Variants in USP14 observed in about 807,000 individuals in gnomAD.
The protein encoded by USP14 is ubiquitin specific peptidase 14, also known as ubiquitin carboxyl-terminal hydrolase 14.
USP14 carries 38 observed loss-of-function variants against 76.5 expected under a neutral mutation model. The ratio of observed to expected loss-of-function variants is 0.50; its 90% CI spans 0.38 to 0.65. USP14 has a LOEUF of 0.65. Among genes scored for constraint, USP14 ranks in the 30% least tolerant of loss-of-function variants. The probability of loss-of-function intolerance (pLI) is 0.00; values close to 1 mark genes in which losing one functional copy is unlikely to be tolerated. For missense variants in USP14, 467 were observed against 586.5 expected (o/e 0.80, Z 2.10); for synonymous variants, 192 against 191.7 (o/e 1.00, Z -0.01).
At chr18:177,297 T>C (rs1480968528) in intron 3 of USP14, among the ~76,000 whole-genome samples, 1 of 151,772 alleles carries the variant, frequency 6.6e-6, no homozygotes, top group Non-Finnish European at 1.5e-5. Context: ...TGGCTTATAC[T>C]TGCAGTCCCA....
intron 11 of USP14, 29 bp downstream of exon 11, chr18:202,974 A>T (rs1251404537): frequency 6.2e-7 from 1 of 1,611,706 alleles, no homozygotes; most frequent in Admixed American, 1.7e-5. Context: ...TCGAAGCCAA[A>T]TTCCGCTTCA....
chr18:210,540 CATTT>C (rs1346959577), intron 15 of USP14, 47 bp downstream of exon 15: 1 of 1,362,816 alleles, frequency 7.3e-7, no homozygotes, highest in Non-Finnish European at 1.0e-6. Flanking sequence ...TTTAACAGTT[CATTT>C]ATTATAAATT....
chr18:203,648 C>A (rs1180110171), intron 12 of USP14, among the ~76,000 whole-genome samples: 1 of 151,784 alleles, frequency 6.6e-6, no homozygotes, highest in Non-Finnish European at 1.5e-5. Context: ...CTCGCTCTGT[C>A]ACCCAGGCTG....
At chr18:196,859 A>G in intron 7 of USP14, 92 bp downstream of exon 7, 1 of 1,491,868 alleles carries the variant, frequency 6.7e-7, no homozygotes, top group Non-Finnish European at 9.2e-7. Flanking sequence ...CGAAATATAA[A>G]CATCAGTCTT....
At chr18:183,164 A>C (rs540575906) in intron 5 of USP14, among the ~76,000 whole-genome samples, 2 of 152,320 alleles carry the variant, frequency 1.3e-5, no homozygotes, top group South Asian at 4.1e-4. Context: ...CTTGGATGAT[A>C]ATATTGCTTG....
At chr18:191,926 A>G (rs957169646) in intron 5 of USP14, among the ~76,000 whole-genome samples, 4 of 152,186 alleles carry the variant, frequency 2.6e-5, no homozygotes, top group African/African-American at 9.7e-5. Context: ...AGCTTTTGTA[A>G]TAAGACATTG....
intron 12 of USP14, 108 bp downstream of exon 12, chr18:203,298 A>G (rs1379026368): frequency 2.0e-6 from 2 of 988,918 alleles, no homozygotes; most frequent in Admixed American, 5.1e-5. Flanking sequence ...TTTCTTTGAA[A>G]TATTTAGGGG....
At chr18:185,685 T>G (rs549649540) in intron 5 of USP14, among the ~76,000 whole-genome samples, 2 of 151,992 alleles carry the variant, frequency 1.3e-5, no homozygotes, top group Non-Finnish European at 2.9e-5. Context: ...ATTTAAAATT[T>G]AAAAAAATTT....
chr18:188,485 A>T (rs1909993877), intron 5 of USP14, among the ~76,000 whole-genome samples: 1 of 139,956 alleles, frequency 7.1e-6, no homozygotes, highest in African/African-American at 2.6e-5. Flanking sequence ...AGACTGATTT[A>T]TAGCATTCTG....
intron 12 of USP14, 88 bp downstream of exon 12, chr18:203,278 A>G: frequency 8.2e-7 from 1 of 1,219,226 alleles, no homozygotes; most frequent in Non-Finnish European, 1.2e-6. Context: ...TCCTTTAGGA[A>G]TAGTTAAGCT....
In USP14 at chr18:163,469, A is replaced by G. The variant is rs768334602; in HGVS notation, c.162+16A>G. ...AACGCTAAAGGTAAAATGTAGTCCA[A>G]ATTTTCATCACATTACTATTATTGT... On this transcript the variant is annotated intron_variant, in intron 2 of 15. Transcript: ENST00000261601. 13 of 1,594,964 alleles carry G rather than the reference A, an allele frequency of 8.2e-6. No individual in the cohort carries two copies. The highest frequency in any genetic ancestry group is 6.8e-5 in the African/African-American group (5 of 73,946).
rs966438097 is a variant in USP14 at position 166,795 on chromosome 18, T to C, written c.171T>C (p.Asp57=). Residue 57 remains aspartate, a synonymous_variant, in exon 3 of 16, where the codon GAT becomes GAC. Coordinates refer to ENST00000261601, the MANE Select transcript of USP14 (RefSeq NM_005151.4). ...GTTTGTCTTTGAAACAGGATGATGATTGGGGAAACATCAAAATAAAAAATG... is the reference window on the plus strand; with the variant it reads ...GTTTGTCTTTGAAACAGGATGATGACTGGGGAAACATCAAAATAAAAAATG... ...MVKGGTLKDD[D]WGNIKIKNGM... 3 of 1,612,304 alleles carry C rather than the reference T, an allele frequency of 1.9e-6. No individual in the cohort carries two copies. Among genetic ancestry groups the C allele is most frequent in the Non-Finnish European group, 1.7e-6 (2 of 1,178,724 alleles).
chr18:207,854 T>C (rs1014805539), intron 13 of USP14, among the ~76,000 whole-genome samples: 1 of 152,190 alleles, frequency 6.6e-6, no homozygotes, highest in Non-Finnish European at 1.5e-5. Context: ...TAAATGGCAT[T>C]CCTTTCTTAA....
At chr18:163,027 C>G (rs904101642) in intron 1 of USP14, 1 of 207,900 alleles carries the variant, frequency 4.8e-6, no homozygotes, top group Admixed American at 5.9e-5. Flanking sequence ...CCGCCCGCCT[C>G]GACCTCCCAA....
intron 6 of USP14, among the ~76,000 whole-genome samples, chr18:193,956 G>A (rs1236069869): frequency 1.3e-5 from 2 of 152,160 alleles, no homozygotes; most frequent in Non-Finnish European, 2.9e-5. Flanking sequence ...TAGGAGTGGA[G>A]TTAATTACTG....
chr18:168,659 T>C (rs1909348953), intron 3 of USP14, among the ~76,000 whole-genome samples: 1 of 151,932 alleles, frequency 6.6e-6, no homozygotes, highest in South Asian at 2.1e-4. Flanking sequence ...GGTCTCGAAC[T>C]CCTGACCTCA....
chr18:210,307 G>A (rs1910636168), intron 14 of USP14, 79 bp from the exon 15 acceptor site: 2 of 1,047,590 alleles, frequency 1.9e-6, no homozygotes, highest in African/African-American at 1.6e-5. Flanking sequence ...GTGAACTTTA[G>A]AGTTATTCTT....
intron 7 of USP14, 32 bp from the exon 8 acceptor site, chr18:197,584 G>T: frequency 6.4e-7 from 1 of 1,554,162 alleles, no homozygotes; most frequent in Non-Finnish European, 8.9e-7. Context: ...TCACTGCCAG[G>T]ATTACTTACT....
At chr18:185,576 G>A (rs1221890268) in intron 5 of USP14, among the ~76,000 whole-genome samples, 1 of 152,132 alleles carries the variant, frequency 6.6e-6, no homozygotes, top group Non-Finnish European at 1.5e-5. Flanking sequence ...TCATCTCACA[G>A]CTGTCTAGGG....
Sources: allele counts gnomAD v4.1 joint callset (sites outside exome capture counted in the v4.1 genomes callset), GRCh38; gene constraint gnomAD v4.1.1; transcripts MANE v1.5; gene names NCBI Gene and HGNC (gene_info 2026-07-23, HGNC 2026-07-21).